RPS6KA2: variants seen among roughly 807,000 people sequenced by gnomAD.
RPS6KA2 encodes the protein ribosomal protein S6 kinase alpha-2.
A neutral mutation model predicts 91.8 loss-of-function variants in RPS6KA2; 42 were observed. The ratio of observed to expected loss-of-function variants is 0.46; its 90% confidence interval spans 0.36 to 0.59. The LOEUF (loss-of-function observed/expected upper bound fraction) is 0.59. Ranked by LOEUF, RPS6KA2 falls within the 20% of genes least tolerant of loss-of-function variation. The pLI, the probability that RPS6KA2 is intolerant of heterozygous loss-of-function variation, is 0.00. For missense variants in RPS6KA2, 798 were observed against 978.5 expected (o/e 0.82, Z 2.46); for synonymous variants, 414 against 393.6 (o/e 1.05, Z -0.61).
intron 2 of RPS6KA2, among the ~76,000 whole-genome samples, chr6:166,746,539 C>A (rs1397052782): frequency 6.6e-6 from 1 of 152,218 alleles, no homozygotes; most frequent in Non-Finnish European, 1.5e-5. Context: ...TCCTTTAATT[C>A]AATTCGAATT....
At chr6:166,616,572 G>A (rs530476755) in intron 1 of RPS6KA2, among the ~76,000 whole-genome samples, 36 of 152,328 alleles carry the variant, frequency 2.4e-4, no homozygotes, top group African/African-American at 8.2e-4. Context: ...GCTCAAGAGA[G>A]GGAGATGAAC....
intron 2 of RPS6KA2, among the ~76,000 whole-genome samples, chr6:166,731,118 T>C (rs375025059): frequency 2.0e-4 from 30 of 152,206 alleles, no homozygotes; most frequent in African/African-American, 7.0e-4. Flanking sequence ...GGCGCATGCC[T>C]GTAATCCCAG....
intron 2 of RPS6KA2, among the ~76,000 whole-genome samples, chr6:166,799,677 G>A (rs1248519116): frequency 1.3e-5 from 2 of 152,006 alleles, no homozygotes; most frequent in African/African-American, 4.8e-5. Context: ...AGTTGTGCGA[G>A]AGTTTTATTT....
At chr6:166,723,625 C>T (rs1460739762) in intron 2 of RPS6KA2, among the ~76,000 whole-genome samples, 2 of 152,138 alleles carry the variant, frequency 1.3e-5, no homozygotes, top group African/African-American at 2.4e-5. Flanking sequence ...AAAATAAAGT[C>T]CGAACTAACT....
At chr6:166,763,608 G>A (rs1344494857) in intron 2 of RPS6KA2, among the ~76,000 whole-genome samples, 1 of 152,230 alleles carries the variant, frequency 6.6e-6, no homozygotes, top group Non-Finnish European at 1.5e-5. Flanking sequence ...GGGAACCTTG[G>A]ATTTCCTTGG....
chr6:166,639,649 C>T lies in RPS6KA2; in HGVS notation c.124-100865G>A, dbSNP rs1331533978. 6.6e-6 allele frequency among the ~76,000 whole-genome samples: 1 copy of T among 152,188 alleles called. No individual in the cohort carries two copies. Among genetic ancestry groups the T allele is most frequent in the Non-Finnish European group, 1.5e-5 (1 of 68,030 alleles). On this transcript the variant is annotated intron_variant, in intron 2 of 21. Coordinates refer to the RPS6KA2 transcript ENST00000503859. This position sits in a 1 kb window ranked among gnomAD's most constrained non-coding sequence, Gnocchi z 4.2. The stretch of plus-strand genomic sequence containing the variant: ...TCTGCTCCTGCCCCGCTGACTTACT[C>T]CTAAGAAGATGAACTGTGGTGTCTC...
chr6:166,497,064 C>T (rs1295487865), intron 8 of RPS6KA2, among the ~76,000 whole-genome samples: 2 of 152,160 alleles, frequency 1.3e-5, no homozygotes, highest in Admixed American at 6.5e-5. Context: ...GACGGCAAAG[C>T]AAACCTGCCT....
At chr6:166,807,447 G>A (rs774462517) in intron 2 of RPS6KA2, among the ~76,000 whole-genome samples, 6 of 152,076 alleles carry the variant, frequency 3.9e-5, no homozygotes, top group Non-Finnish European at 7.4e-5. Flanking sequence ...CCTCTGGCGT[G>A]GAGGGTTGCA....
intron 2 of RPS6KA2, among the ~76,000 whole-genome samples, chr6:166,747,114 G>A (rs1583071865): frequency 6.6e-6 from 1 of 152,132 alleles, no homozygotes; most frequent in South Asian, 2.1e-4. Context: ...CAAATCATTG[G>A]CCATTGGTGA....
intron 3 of RPS6KA2, among the ~76,000 whole-genome samples, chr6:166,514,086 T>C (rs1399636048): frequency 6.6e-6 from 1 of 152,052 alleles, no homozygotes; most frequent in African/African-American, 2.4e-5. Flanking sequence ...TGTGGGGAGA[T>C]GTGGGAGCAA....
intron 3 of RPS6KA2, among the ~76,000 whole-genome samples, chr6:166,524,960 C>G (rs933646641): frequency 6.6e-6 from 1 of 152,172 alleles, no homozygotes; most frequent in East Asian, 1.9e-4. Flanking sequence ...CATCAATTCT[C>G]GCGCTCAGAC....
chr6:166,510,495 G>T, intron 3 of RPS6KA2, 138 bp from the exon 4 acceptor site: 1 of 394,240 alleles, frequency 2.5e-6, no homozygotes, highest in Non-Finnish European at 4.5e-6. Context: ...TGAAAAAGTT[G>T]TACAATAATC....
intron 14 of RPS6KA2, among the ~76,000 whole-genome samples, chr6:166,443,728 G>A (rs1159204384): frequency 6.6e-6 from 1 of 152,134 alleles, no homozygotes; most frequent in Non-Finnish European, 1.5e-5. Context: ...TATGGTCTAT[G>A]CTTGAGCACA....
Position 166,510,129 on chromosome 6 carries a change from G to C in RPS6KA2, c.379+148C>G, listed in dbSNP as rs1782409932. 3 of 459,502 alleles carry C rather than the reference G, an allele frequency of 6.5e-6. No homozygotes were observed. The East Asian group carries it at 1.0e-4, about 15-fold the overall frequency. 28.5% of individuals were successfully genotyped at this position (459,502 alleles called of 1,614,324 possible). A position where few individuals can be genotyped will look rare whatever the true frequency, so the allele number is the denominator to read the frequency against. On this transcript the variant is annotated intron_variant, in intron 4 of 20. Coordinates refer to ENST00000265678, the MANE Select transcript of RPS6KA2 (RefSeq NM_021135.6). ...CAGAAGAGATTAAGTGATCAGGATA[G>C]AAGGCACCTTCCTCCCCAGGCAGGG... is the stretch of plus-strand genomic sequence containing the variant.
chr6:166,757,558 T>C (rs776932780), intron 2 of RPS6KA2: 1 of 456,314 alleles, frequency 2.2e-6, no homozygotes, highest in South Asian at 1.5e-5. Flanking sequence ...CAGCTTCTTG[T>C]GTGGCAGCCT....
At chr6:166,436,558 A>G (rs1458997736) in intron 14 of RPS6KA2, among the ~76,000 whole-genome samples, 1 of 152,216 alleles carries the variant, frequency 6.6e-6, no homozygotes, top group Non-Finnish European at 1.5e-5. Context: ...CTGTGGGCAG[A>G]AAGGCCTCGG....
rs117729434 is a variant in RPS6KA2 at position 166,604,746 on chromosome 6, C to A, written c.99+22175G>T. ...ATATTTCCACAGCAAAATAATGATC[C>A]ACACTAATGGAGGTAAAGAAGGAGA... On this transcript the variant is annotated intron_variant, in intron 1 of 20. Coordinates refer to ENST00000265678, the MANE Select transcript of RPS6KA2 (RefSeq NM_021135.6). 9.6e-3 allele frequency among the ~76,000 whole-genome samples: 1,458 copies of A among 152,192 alleles called. 13 individuals carry two copies. Among genetic ancestry groups the A allele is most frequent in the African/African-American group, 0.022 (895 of 41,508 alleles).
chr6:166,754,021 C>T (rs1777923167), intron 2 of RPS6KA2, among the ~76,000 whole-genome samples: 1 of 152,170 alleles, frequency 6.6e-6, no homozygotes. Context: ...CCGTGAGAAT[C>T]CAGCCCCGAG....
intron 2 of RPS6KA2, among the ~76,000 whole-genome samples, chr6:166,658,840 G>A (rs1435978258): frequency 6.6e-6 from 1 of 152,212 alleles, no homozygotes; most frequent in Non-Finnish European, 1.5e-5. Flanking sequence ...TCACTAGAGA[G>A]ACTCTCTCTG....
Sources: gnomAD v4.1 joint callset for allele counts (sites outside exome capture counted in the v4.1 genomes callset) on GRCh38, gnomAD v4.1.1 for gene constraint, Gnocchi (gnomAD v3.1) non-coding constraint, MANE v1.5 for transcripts, NCBI Gene and HGNC (gene_info 2026-07-23, HGNC 2026-07-21) for gene names.